The following PREB variants were observed in gnomAD, a reference collection of about 807,000 sequenced individuals.
PREB encodes the protein prolactin regulatory element binding.
Under a neutral mutation model 46.7 loss-of-function variants are expected in PREB, and 29 were observed. That is an observed-to-expected ratio of 0.62 (90% CI 0.46 to 0.85). The LOEUF (loss-of-function observed/expected upper bound fraction) is 0.85, where lower values mean the gene tolerates loss of function less well. Among genes scored for constraint, PREB ranks in the 40% least tolerant of loss-of-function variants. The pLI is 0.00. For synonymous variants in PREB, 224 were observed against 220.1 expected (o/e 1.02, Z -0.16); for missense variants, 494 against 528.4 (o/e 0.93, Z 0.64).
chr2:27,133,596 A>T lies in PREB; in HGVS notation c.261T>A (p.Asp87Glu). 6.2e-7 allele frequency: 1 copy of T among 1,614,194 alleles called. No individual in the cohort carries two copies. The highest frequency in any genetic ancestry group is 1.1e-5 in the South Asian group (1 of 91,084). Residue 87 changes from aspartate to glutamate, a missense_variant, in exon 2 of 9, where the codon GAT becomes GAA. Asp to Glu is a conservative substitution (Grantham distance 45). Coordinates refer to ENST00000260643, the MANE Select transcript of PREB (RefSeq NM_013388.6). ...LAGDILAAGQ[D>E]AHCQLLRFQA... The stretch of plus-strand genomic sequence containing the variant: ...GGAAGCGCAGGAGCTGACAGTGGGC[A>T]TCCTGCCCTGCAGCAAGGATGTCAC...
At position 27,130,860 on chromosome 2, in the gene PREB, T is replaced by C. The variant is rs1297880572; in HGVS notation, c.*554A>G. On this transcript the variant is annotated 3_prime_UTR_variant, in exon 9 of 9. Coordinates refer to ENST00000260643, the MANE Select transcript of PREB (RefSeq NM_013388.6). ...TTCCTCAAGGTAAGGGTAGACTACCTAGGAACTTATTGCATCTTTAGGCCA... is the reference window on the plus strand; with the variant it reads ...TTCCTCAAGGTAAGGGTAGACTACCCAGGAACTTATTGCATCTTTAGGCCA... The C allele has an allele frequency of 1.6e-6, 2 of 1,217,966 alleles. No individual in the cohort carries two copies. The highest frequency in any genetic ancestry group is 2.3e-6 in the Non-Finnish European group (2 of 870,120). The allele number at this position is 1,217,966 out of a possible 1,614,324, so 75.4% of individuals were successfully genotyped here. A position where few individuals can be genotyped will look rare whatever the true frequency, so the allele number is the denominator to read the frequency against.
At chr2:27,131,615 A>G (rs1220460585) in intron 8 of PREB, 57 bp downstream of exon 8, 14 of 1,601,866 alleles carry the variant, frequency 8.7e-6, no homozygotes, top group Non-Finnish European at 1.2e-5. Flanking sequence ...TCCGGGGGGC[A>G]CGTTTCTGGT....
rs1191425938 is a variant in PREB, at chr2:27,132,694, C to G, written c.661G>C (p.Val221Leu). 5.6e-6 allele frequency: 9 copies of G among 1,614,060 alleles called. No homozygotes were observed. The Admixed American group carries it at 1.5e-4, about 27-fold the overall frequency. The change falls in exon 5 of 9, where the codon GTG becomes CTG. Residue 221 changes from valine (V) to leucine (L), a missense_variant. By Grantham distance (32) the Val-to-Leu change is conservative. Transcript: ENST00000260643. The surrounding 1 kb of genome is among the most constrained non-coding windows in gnomAD (Gnocchi z 4.0). The part of the protein sequence containing the change: ...VTVGRDLKAS[V>L]WQKDQLVTQL... ...GTCACCAGCTGATCCTTCTGCCACA[C>G]AGAGGCCTTAAGGTCCCGGCCCACG...
At chr2:27,133,048 G>C in intron 3 of PREB, 69 bp downstream of exon 3, 1 of 1,589,730 alleles carries the variant, frequency 6.3e-7, no homozygotes. Flanking sequence ...CAGATGCCAC[G>C]TTCAACTTCT....
Position 27,133,353 on chromosome 2 carries a change from T to C in PREB, c.326-16A>G, listed in dbSNP as rs377594188. On this transcript the variant is annotated splice_polypyrimidine_tract_variant and intron_variant, in intron 2 of 8. Transcript: ENST00000260643. ...TCCTTGGAACCTGTAACACAAACAC[T>C]TGGCCAGGTTCCAGGCTTCTACAGT... is the stretch of plus-strand genomic sequence containing the variant. 4.2e-4 allele frequency: 676 copies of C among 1,613,758 alleles called. 1 individual carries two copies. The highest frequency in any genetic ancestry group is 1.1e-3 in the South Asian group (104 of 91,078).
Position 27,134,393 on chromosome 2 carries a change from T to C in PREB, c.29A>G (p.Tyr10Cys). The change falls in exon 1 of 9, where the codon TAC (tyrosine) becomes TGC (cysteine). Residue 10 changes from tyrosine (Y) to cysteine (C), a missense_variant. Physicochemically the swap from Tyr to Cys is radical, Grantham distance 194. Coordinates refer to ENST00000260643, the MANE Select transcript of PREB (RefSeq NM_013388.6). Reference sequence around the variant, plus strand: ...CGCGTACAACGGGAACGGAGCCCGGTACAGCTCTGGCGCCCGGCGCCGGCC... The same window carrying C: ...CGCGTACAACGGGAACGGAGCCCGGCACAGCTCTGGCGCCCGGCGCCGGCC... MGRRRAPEL[Y>C]RAPFPLYALQ... 1 of 1,605,536 alleles carries C rather than the reference T, an allele frequency of 6.2e-7. No individual in the cohort carries two copies. The highest frequency in any genetic ancestry group is 8.5e-7 in the Non-Finnish European group (1 of 1,177,604).
chr2:27,134,266 CCA>C lies in PREB; in HGVS notation c.135+19_135+20del. On this transcript the variant is annotated intron_variant, in intron 1 of 8. Coordinates refer to ENST00000260643, the MANE Select transcript of PREB (RefSeq NM_013388.6). ...CGCCAGCCCGCAGCAAGACCCAGCCCCAGTGGCCCTGCGCTCTCACCACGCCA... is the reference window on the plus strand; with the variant it reads ...CGCCAGCCCGCAGCAAGACCCAGCCCGTGGCCCTGCGCTCTCACCACGCCA... 3 of 1,579,780 alleles carry C rather than the reference CCA, an allele frequency of 1.9e-6. No individual in the cohort carries two copies. Among genetic ancestry groups the C allele is most frequent in the Non-Finnish European group, 2.6e-6 (3 of 1,164,594 alleles).
rs745551331 is a variant in PREB at position 27,133,316 on chromosome 2, C to T, written c.347G>A (p.Arg116Gln). The change falls in exon 3 of 9, where the codon CGA becomes CAA. Residue 116 changes from arginine to glutamine, a missense_variant. Transcript: ENST00000260643. ...EKAGSKEQGP[R>Q]QRKGAAPAEK... The stretch of plus-strand genomic sequence containing the variant: ...TGCTGGGGCTGCTCCCTTCCTTTGT[C>T]GAGGCCCCTGCTCCTTGGAACCTGT... 7.4e-6 allele frequency: 12 copies of T among 1,614,158 alleles called. No individual in the cohort carries two copies. Among genetic ancestry groups the T allele is most frequent in the South Asian group, 3.3e-5 (3 of 91,076 alleles).
intron 3 of PREB, 34 bp downstream of exon 3, chr2:27,133,083 G>A (rs751101016): frequency 1.2e-6 from 2 of 1,605,330 alleles, no homozygotes; most frequent in Admixed American, 1.7e-5. Flanking sequence ...TGTTGCTACT[G>A]ACATTCACCC....
chr2:27,133,949 G>T, intron 1 of PREB: 1 of 616,824 alleles, frequency 1.6e-6, no homozygotes, highest in Non-Finnish European at 2.8e-6. Flanking sequence ...AAGGAACTTA[G>T]CCTAAACCCA....
Position 27,134,208 on chromosome 2 carries a change from C to T in PREB, c.135+79G>A, listed in dbSNP as rs911688960. ...CAGGGCCCGAAGCTGGAGTGTGGCCCGCCCCGCGACCCCCCGGCCACCCTG... is the reference window on the plus strand; with the variant it reads ...CAGGGCCCGAAGCTGGAGTGTGGCCTGCCCCGCGACCCCCCGGCCACCCTG... On this transcript the variant is annotated intron_variant, in intron 1 of 8. Coordinates refer to ENST00000260643, the MANE Select transcript of PREB (RefSeq NM_013388.6). 2.8e-6 allele frequency: 4 copies of T among 1,441,540 alleles called. No homozygotes were observed. The Admixed American group carries it at 1.0e-4, about 37-fold the overall frequency. The allele number at this position is 1,441,540 out of a possible 1,614,324, so 89.3% of individuals were successfully genotyped here. A position where few individuals can be genotyped will look rare whatever the true frequency, so the allele number is the denominator to read the frequency against.
chr2:27,134,044 G>A (rs1481186551), intron 1 of PREB: 4 of 632,646 alleles, frequency 6.3e-6, no homozygotes, highest in Non-Finnish European at 1.1e-5. Flanking sequence ...GCTCTGAGGC[G>A]GAGCTGAAGC....
In PREB at chr2:27,131,072, G is replaced by A; in HGVS notation, c.*342C>T. On this transcript the variant is annotated 3_prime_UTR_variant, in exon 9 of 9. Transcript: ENST00000260643. ...AACTGTTTCTGCAGGAAGGACAGCA[G>A]TGCCTCCAGGCTCTTGGGCATCTTC... 1.9e-6 allele frequency: 1 copy of A among 516,134 alleles called. No individual in the cohort carries two copies. The allele number at this position is 516,134 out of a possible 1,614,324, so 32.0% of individuals were successfully genotyped here.
rs1379489738 is a variant in PREB at position 27,131,101 on chromosome 2, T to G, written c.*313A>C. On this transcript the variant is annotated 3_prime_UTR_variant, in exon 9 of 9. Coordinates refer to ENST00000260643, the MANE Select transcript of PREB (RefSeq NM_013388.6). Reference sequence around the variant, plus strand: ...CTCCAGGCTCTTGGGCATCTTCACATGTTTCTAGATAAGGACAAGCTCAAC... The same window carrying G: ...CTCCAGGCTCTTGGGCATCTTCACAGGTTTCTAGATAAGGACAAGCTCAAC... 4.0e-6 allele frequency: 2 copies of G among 504,152 alleles called. No homozygotes were observed. Among genetic ancestry groups the G allele is most frequent in the South Asian group, 2.4e-5 (1 of 42,534 alleles). The allele number at this position is 504,152 out of a possible 1,614,324, so 31.2% of individuals were successfully genotyped here. A position where few individuals can be genotyped will look rare whatever the true frequency, so the allele number is the denominator to read the frequency against.
At position 27,131,409 on chromosome 2, in the gene PREB, G is replaced by A. The variant is rs1013565398; in HGVS notation, c.*5C>T. On this transcript the variant is annotated 3_prime_UTR_variant, in exon 9 of 9. Coordinates refer to ENST00000260643, the MANE Select transcript of PREB (RefSeq NM_013388.6). ...CAGGCTCCTGATTCCCAGGAAGCAG[G>A]GAAGCTAAAGGAAACCTGGAAAGGC... 2.6e-6 allele frequency: 4 copies of A among 1,548,916 alleles called. No homozygotes were observed. In the Admixed American group the frequency reaches 5.9e-5, roughly 23 times the overall value.
Position 27,131,008 on chromosome 2 carries a change from T to G in PREB, c.*406A>C. 1 of 553,638 alleles carries G rather than the reference T, an allele frequency of 1.8e-6. No homozygotes were observed. The highest frequency in any genetic ancestry group is 3.2e-6 in the Non-Finnish European group (1 of 309,752). 34.3% of individuals were successfully genotyped at this position (553,638 alleles called of 1,614,324 possible). A position where few individuals can be genotyped will look rare whatever the true frequency, so the allele number is the denominator to read the frequency against. ...CCCAGCAAATGCCAGGGGCTTCATGTGAAGAGGAACTGGCCACAAGGCTGA... is the reference window on the plus strand; with the variant it reads ...CCCAGCAAATGCCAGGGGCTTCATGGGAAGAGGAACTGGCCACAAGGCTGA... On this transcript the variant is annotated 3_prime_UTR_variant, in exon 9 of 9. Coordinates refer to ENST00000260643, the MANE Select transcript of PREB (RefSeq NM_013388.6).
chr2:27,132,197 C>T lies in PREB; in HGVS notation c.926+33G>A. 1 of 1,613,644 alleles carries T rather than the reference C, an allele frequency of 6.2e-7. No homozygotes were observed. Among genetic ancestry groups the T allele is most frequent in the Non-Finnish European group, 8.5e-7 (1 of 1,179,544 alleles). ...CTCCTTTCCAAGCTCCCTCAGGGAC[C>T]CCCTACCTAGCCAAGGCAGCAATGT... On this transcript the variant is annotated intron_variant, in intron 6 of 8. Coordinates refer to ENST00000260643, the MANE Select transcript of PREB (RefSeq NM_013388.6). The surrounding 1 kb of genome is among the most constrained non-coding windows in gnomAD (Gnocchi z 4.0).
Position 27,133,135 on chromosome 2 carries a change from G to A in PREB, c.528C>T (p.Gly176=). 1 of 1,614,170 alleles carries A rather than the reference G, an allele frequency of 6.2e-7. No individual in the cohort carries two copies. The highest frequency in any genetic ancestry group is 8.5e-7 in the Non-Finnish European group (1 of 1,180,026). Residue 176 remains glycine (G), a synonymous_variant, in exon 3 of 9, where the codon GGC becomes GGT. Coordinates refer to ENST00000260643, the MANE Select transcript of PREB (RefSeq NM_013388.6). ...CCCACACCTTCCAGACACGGACGTA[G>A]CCATCTGTTCCTCCAGTGGCAAGCA... ...NTLLATGGTD[G]YVRVWKVPSL...
chr2:27,132,526 C>T lies in PREB; in HGVS notation c.752+77G>A. 8.1e-6 allele frequency: 13 copies of T among 1,603,018 alleles called. No individual in the cohort carries two copies. Among genetic ancestry groups the T allele is most frequent in the Non-Finnish European group, 1.1e-5 (13 of 1,173,782 alleles). ...ACTCAACAAGTTCCTCCCCAGCTCT[C>T]CCATCCCCAGTCTTTTCCCTCTCCC... On this transcript the variant is annotated intron_variant, in intron 5 of 8. Coordinates refer to ENST00000260643, the MANE Select transcript of PREB (RefSeq NM_013388.6). The surrounding 1 kb of genome is among the most constrained non-coding windows in gnomAD (Gnocchi z 4.0).
Sources: gnomAD v4.1 joint callset for allele counts on GRCh38, gnomAD v4.1.1 for gene constraint, Gnocchi (gnomAD v3.1) non-coding constraint, MANE v1.5 for transcripts, NCBI Gene and HGNC (gene_info 2026-07-23, HGNC 2026-07-21) for gene names.